Variants in NPEPPS observed in about 807,000 individuals in gnomAD.
The protein encoded by NPEPPS is puromycin-sensitive aminopeptidase.
In NPEPPS, 14 loss-of-function variants were observed where a neutral mutation model predicts 115.5. The ratio of observed to expected loss-of-function variants is 0.12; its 90% confidence interval spans 0.08 to 0.19. The LOEUF is 0.19. NPEPPS is among the 10% of genes least tolerant of loss of function. The pLI, the probability that NPEPPS is intolerant of heterozygous loss-of-function variation, is 1.00. For missense variants in NPEPPS, 523 were observed against 1,110.8 expected (o/e 0.47, Z 7.52); for synonymous variants, 285 against 390.6 (o/e 0.73, Z 3.19).
intron 2 of NPEPPS, among the ~76,000 whole-genome samples, chr17:47,558,894 C>T (rs1368181129): frequency 2.0e-5 from 3 of 152,082 alleles, no homozygotes; most frequent in African/African-American, 7.2e-5. Flanking sequence ...ATTAGCCGGG[C>T]ATGGTGGCGC....
chr17:47,606,344 CATT>C (rs1257286570), intron 17 of NPEPPS, among the ~76,000 whole-genome samples: 1 of 152,114 alleles, frequency 6.6e-6, no homozygotes, highest in East Asian at 1.9e-4. Context: ...TTTTACATAT[CATT>C]ATTTTTTATC....
At chr17:47,620,526 G>A (rs1914500845) in intron 22 of NPEPPS, among the ~76,000 whole-genome samples, 1 of 152,144 alleles carries the variant, frequency 6.6e-6, no homozygotes, top group Non-Finnish European at 1.5e-5. Context: ...ATCTGGGAGA[G>A]GAAGAAAAAC....
At chr17:47,565,945 A>G (rs1910783667) in intron 2 of NPEPPS, among the ~76,000 whole-genome samples, 1 of 152,168 alleles carries the variant, frequency 6.6e-6, no homozygotes, top group African/African-American at 2.4e-5. Flanking sequence ...CTGAATAGTA[A>G]AAGAGGCACC....
intron 15 of NPEPPS, among the ~76,000 whole-genome samples, chr17:47,602,754 C>A (rs1438072978): frequency 6.6e-6 from 1 of 151,672 alleles, no homozygotes; most frequent in Non-Finnish European, 1.5e-5. Context: ...GATCCTCCCA[C>A]CTCAGGCTCC....
intron 8 of NPEPPS, 58 bp from the exon 9 acceptor site, chr17:47,587,172 T>C: frequency 1.3e-6 from 2 of 1,489,392 alleles, no homozygotes; most frequent in Non-Finnish European, 1.8e-6. Context: ...TCTTCCCAAC[T>C]TATGCATGCC....
At chr17:47,527,257 C>A (rs1365682547), upstream of NPEPPS, among the ~76,000 whole-genome samples, 1 of 151,888 alleles carries the variant, frequency 6.6e-6, no homozygotes, top group South Asian at 2.1e-4. Context: ...CCGAGGTGGG[C>A]GGATCACTTG....
intron 16 of NPEPPS, 83 bp from the exon 17 acceptor site, chr17:47,605,250 C>G (rs1010178736): frequency 1.1e-6 from 1 of 894,530 alleles, no homozygotes; most frequent in Non-Finnish European, 1.7e-6. Context: ...AAATTGCTAG[C>G]AGTAGATAAT....
Position 47,538,463 on chromosome 17 carries a change from C to T in NPEPPS, c.255+6908C>T, listed in dbSNP as rs1457612590. 1.3e-5 allele frequency among the ~76,000 whole-genome samples: 2 copies of T among 151,224 alleles called. 1 individual carries two copies. The highest frequency in any genetic ancestry group is 6.9e-3 in the Middle Eastern group (2 of 288). ...ACCCGACCTCAGGTGATCCGCCTGCCTCTGCCTCCTAAAGTGCTGGGATTA... is the reference window on the plus strand; with the variant it reads ...ACCCGACCTCAGGTGATCCGCCTGCTTCTGCCTCCTAAAGTGCTGGGATTA... On this transcript the variant is annotated intron_variant, in intron 1 of 22. Transcript: ENST00000322157.
At chr17:47,563,633 C>T (rs973428655) in intron 2 of NPEPPS, among the ~76,000 whole-genome samples, 6 of 151,446 alleles carry the variant, frequency 4.0e-5, no homozygotes, top group Admixed American at 6.6e-5. Flanking sequence ...TGCAGTGGCA[C>T]GATCTCGGCT....
chr17:47,542,093 T>C (rs1480413016), intron 1 of NPEPPS, among the ~76,000 whole-genome samples: 1 of 152,226 alleles, frequency 6.6e-6, no homozygotes, highest in Admixed American at 6.5e-5. Flanking sequence ...CTGATGTTCT[T>C]ACCTAGTTTT....
At chr17:47,566,280 T>C (rs1910807289) in intron 2 of NPEPPS, among the ~76,000 whole-genome samples, 1 of 151,786 alleles carries the variant, frequency 6.6e-6, no homozygotes, top group African/African-American at 2.4e-5. Context: ...TGCCTGGCCC[T>C]GGGCAACATT....
intron 12 of NPEPPS, 44 bp downstream of exon 12, chr17:47,592,589 T>C: frequency 6.7e-7 from 1 of 1,502,538 alleles, no homozygotes; most frequent in Non-Finnish European, 9.1e-7. Context: ...GAAAGTATTG[T>C]CACTCTATCC....
At chr17:47,530,787 G>T (rs1375318506), upstream of NPEPPS, among the ~76,000 whole-genome samples, 1 of 152,180 alleles carries the variant, frequency 6.6e-6, no homozygotes, top group East Asian at 1.9e-4. Context: ...GGTTTTGCTT[G>T]TAACTGGTAT....
chr17:47,569,018 T>C (rs1305344743), intron 2 of NPEPPS, among the ~76,000 whole-genome samples: 2 of 152,196 alleles, frequency 1.3e-5, no homozygotes, highest in East Asian at 1.9e-4. Context: ...CTACTTACCT[T>C]TGGGGGAACA....
chr17:47,575,200 AAATG>A (rs879472847), intron 3 of NPEPPS, among the ~76,000 whole-genome samples: 1 of 152,242 alleles, frequency 6.6e-6, no homozygotes, highest in Non-Finnish European at 1.5e-5. Context: ...CAACAGAATG[AAATG>A]AAATTTTCCT....
chr17:47,603,210 G>A (rs1276256328), intron 15 of NPEPPS, among the ~76,000 whole-genome samples: 2 of 152,014 alleles, frequency 1.3e-5, no homozygotes, highest in African/African-American at 2.4e-5. Flanking sequence ...TCAGGAGTTC[G>A]AGACCAGCCT....
At chr17:47,609,428 A>G (rs1010560928) in intron 17 of NPEPPS, among the ~76,000 whole-genome samples, 1 of 152,200 alleles carries the variant, frequency 6.6e-6, no homozygotes, top group Admixed American at 6.5e-5. Context: ...AGCTATACAG[A>G]TGGGAGAATG....
Position 47,605,544 on chromosome 17 carries a change from C to A in NPEPPS, c.2087C>A (p.Pro696His). The A allele has an allele frequency of 6.3e-7, 1 of 1,582,206 alleles. No individual in the cohort carries two copies. Among genetic ancestry groups the A allele is most frequent in the Non-Finnish European group, 8.6e-7 (1 of 1,160,582 alleles). The change falls in exon 17 of 23, where the codon CCT (proline) becomes CAT (histidine). Residue 696 changes from proline to histidine, a missense_variant. By Grantham distance (77) the Pro-to-His change is moderately conservative. Coordinates refer to ENST00000322157, the MANE Select transcript of NPEPPS (RefSeq NM_006310.4). ...GAGAGACTGGGCTGGGACCCCAAAC[C>A]TGGAGAAGGTAATGGATATACTAAA... ...IGERLGWDPK[P>H]GEGHLDALLR...
intron 5 of NPEPPS, among the ~76,000 whole-genome samples, chr17:47,584,797 A>G (rs903626180): frequency 1.3e-5 from 2 of 152,160 alleles, no homozygotes; most frequent in Non-Finnish European, 2.9e-5. Context: ...AGAAGTTTGT[A>G]TCCTTTGAAA....
Sources: gnomAD v4.1 joint callset for allele counts (sites outside exome capture counted in the v4.1 genomes callset) on GRCh38, gnomAD v4.1.1 for gene constraint, MANE v1.5 for transcripts, NCBI Gene and HGNC (gene_info 2026-07-23, HGNC 2026-07-21) for gene names.